Variants in PDE8A observed in about 807,000 individuals in gnomAD.
PDE8A encodes high affinity cAMP-specific and IBMX-insensitive 3',5'-cyclic phosphodiesterase 8A.
A neutral mutation model predicts 105.0 loss-of-function variants in PDE8A; 59 were observed. That is an observed-to-expected ratio of 0.56 (90% CI 0.46 to 0.70). The LOEUF is 0.70. Ranked by LOEUF, PDE8A falls within the 30% of genes least tolerant of loss-of-function variation. The pLI is 0.00. For missense variants in PDE8A, 1,014 were observed against 1,045.9 expected (o/e 0.97, Z 0.42); for synonymous variants, 355 against 371.9 (o/e 0.95, Z 0.52).
At chr15:85,012,985 C>T (rs1341221519) in intron 1 of PDE8A, among the ~76,000 whole-genome samples, 2 of 152,102 alleles carry the variant, frequency 1.3e-5, no homozygotes, top group Non-Finnish European at 2.9e-5. Context: ...ATAATCGTTT[C>T]CTGAAGAACA....
rs919626414 is a variant in PDE8A, at chr15:85,020,910, C to G, written c.186+38562C>G. Among the ~76,000 whole-genome samples the G allele has an allele frequency of 2.6e-5, 4 of 152,242 alleles. No homozygotes were observed. The South Asian group carries it at 8.3e-4, about 32-fold the overall frequency. ...CAAGATCATCAAATTAACATTGTTA[C>G]AGTATTGTTAGTACCACAGACCTTA... On this transcript the variant is annotated intron_variant, in intron 1 of 21. Transcript: ENST00000394553.
chr15:85,137,756 G>C, intron 21 of PDE8A, 41 bp from the exon 22 acceptor site: 1 of 1,233,258 alleles, frequency 8.1e-7, no homozygotes, highest in East Asian at 2.3e-5. Context: ...AATGTAAACA[G>C]AGGCTGTGAA....
chr15:85,132,838 C>CTGTG (rs6145662), intron 20 of PDE8A, among the ~76,000 whole-genome samples: 4 of 150,992 alleles, frequency 2.6e-5, no homozygotes, highest in Non-Finnish European at 5.9e-5. Context: ...AGTTCCTGGT[C>CTGTG]TGTGTGTGTG....
At chr15:85,135,291 A>C (rs1369076271) in intron 20 of PDE8A, among the ~76,000 whole-genome samples, 2 of 152,046 alleles carry the variant, frequency 1.3e-5, no homozygotes, top group African/African-American at 4.8e-5. Context: ...GCAAGTGGTT[A>C]GCCTTTCTTC....
At chr15:85,024,704 C>T (rs527532531) in intron 1 of PDE8A, among the ~76,000 whole-genome samples, 1 of 152,182 alleles carries the variant, frequency 6.6e-6, no homozygotes, top group East Asian at 1.9e-4. Context: ...CAGTAGTTTG[C>T]CCATGCATTT....
intron 1 of PDE8A, among the ~76,000 whole-genome samples, chr15:85,033,216 C>T (rs1489471135): frequency 6.6e-6 from 1 of 152,148 alleles, no homozygotes; most frequent in Non-Finnish European, 1.5e-5. Flanking sequence ...GTAAGGGACA[C>T]ACCCTGGGAT....
At chr15:84,995,140 A>G (rs867129246) in intron 1 of PDE8A, among the ~76,000 whole-genome samples, 2 of 152,180 alleles carry the variant, frequency 1.3e-5, no homozygotes, top group Non-Finnish European at 1.5e-5. Context: ...ACGCATACAT[A>G]TATCTGCGTA....
chr15:85,111,658 C>T (rs1168197401), intron 12 of PDE8A, among the ~76,000 whole-genome samples: 2 of 152,128 alleles, frequency 1.3e-5, no homozygotes, highest in African/African-American at 2.4e-5. Context: ...GTGCCTTGGC[C>T]GTTCTAGGTC....
At chr15:85,109,438 A>G (rs927061634) in intron 12 of PDE8A, among the ~76,000 whole-genome samples, 1 of 152,248 alleles carries the variant, frequency 6.6e-6, no homozygotes, top group African/African-American at 2.4e-5. Context: ...TTTGAATTTG[A>G]TAATTCTTAA....
rs923438385 is a variant in PDE8A at position 85,055,876 on chromosome 15, G to A, written c.187-8494G>A. Among the ~76,000 whole-genome samples, 11 of 152,230 alleles carry A rather than the reference G, an allele frequency of 7.2e-5. No individual in the cohort carries two copies. The East Asian group carries it at 9.6e-4, about 13-fold the overall frequency. ...ATGATGTTAGCTGGTTATTTTGCTC[G>A]TTAGTTGATGCAGTTTCTTCCTAGC... is the stretch of plus-strand genomic sequence containing the variant. On this transcript the variant is annotated intron_variant, in intron 1 of 21. Transcript: ENST00000394553.
intron 5 of PDE8A, among the ~76,000 whole-genome samples, chr15:85,077,873 T>C (rs1175700078): frequency 6.7e-6 from 1 of 149,844 alleles, no homozygotes; most frequent in Non-Finnish European, 1.5e-5. Context: ...TTGAACAATT[T>C]AAAACTTAGT....
At chr15:85,018,796 T>C (rs1487320404) in intron 1 of PDE8A, among the ~76,000 whole-genome samples, 3 of 152,228 alleles carry the variant, frequency 2.0e-5, no homozygotes, top group Non-Finnish European at 4.4e-5. Context: ...TATGTACTTA[T>C]TTGATTACTA....
intron 1 of PDE8A, among the ~76,000 whole-genome samples, chr15:85,024,741 G>A (rs1002362168): frequency 3.3e-5 from 5 of 152,160 alleles, no homozygotes; most frequent in African/African-American, 1.2e-4. Context: ...CTTACTGAGT[G>A]ACCTATGTGC....
intron 11 of PDE8A, among the ~76,000 whole-genome samples, chr15:85,100,812 C>T (rs1444457228): frequency 1.3e-5 from 2 of 152,174 alleles, no homozygotes; most frequent in South Asian, 2.1e-4. Context: ...AGGAGGTGCT[C>T]CGTCAAGTGT....
At chr15:85,076,646 G>T in intron 4 of PDE8A, 87 bp from the exon 5 acceptor site, 1 of 812,226 alleles carries the variant, frequency 1.2e-6, no homozygotes, top group Non-Finnish European at 2.2e-6. Context: ...ATTACATAAC[G>T]AAGTATTATT....
intron 1 of PDE8A, among the ~76,000 whole-genome samples, chr15:85,047,979 T>TTGAA (rs1278326813): frequency 3.9e-5 from 6 of 152,354 alleles, no homozygotes; most frequent in African/African-American, 1.4e-4. Context: ...ACTTAATGAT[T>TTGAA]TGAAAGCTTA....
intron 11 of PDE8A, 123 bp downstream of exon 11, chr15:85,100,321 C>G: frequency 1.3e-6 from 1 of 795,370 alleles, no homozygotes; most frequent in East Asian, 2.6e-5. Flanking sequence ...GGCAACATTT[C>G]TCTCCTTGAC....
intron 5 of PDE8A, 150 bp downstream of exon 5, chr15:85,076,937 T>G (rs991988101): frequency 1.7e-6 from 1 of 577,740 alleles, no homozygotes; most frequent in Non-Finnish European, 3.2e-6. Flanking sequence ...TCCCAGCACT[T>G]TGGGAGGTCG....
intron 1 of PDE8A, chr15:85,062,881 C>G (rs961364247): frequency 7.2e-5 from 11 of 152,264 alleles, no homozygotes; most frequent in African/African-American, 2.4e-4. Context: ...ACTGTCTTCT[C>G]TAAATCCATC....
Sources: allele counts gnomAD v4.1 joint callset (sites outside exome capture counted in the v4.1 genomes callset), GRCh38; gene constraint gnomAD v4.1.1; transcripts MANE v1.5; gene names NCBI Gene and HGNC (gene_info 2026-07-23, HGNC 2026-07-21).